Variants in MACROD2 observed in about 807,000 individuals in gnomAD.
MACROD2 encodes the protein ADP-ribose glycohydrolase MACROD2.
Under a neutral mutation model 70.4 loss-of-function variants are expected in MACROD2, and 36 were observed. The observed-to-expected ratio is 0.51, with a 90% CI of 0.39 to 0.68. The LOEUF (loss-of-function observed/expected upper bound fraction) is 0.68, where lower values mean the gene tolerates loss of function less well. MACROD2 is among the 30% of genes least tolerant of loss of function. MACROD2 has a pLI of 0.00. For synonymous variants in MACROD2, 172 were observed against 178.8 expected (o/e 0.96, Z 0.30); for missense variants, 496 against 538.4 (o/e 0.92, Z 0.78).
chr20:15,597,231 G>C (rs2048757719), intron 8 of MACROD2, among the ~76,000 whole-genome samples: 1 of 152,210 alleles, frequency 6.6e-6, no homozygotes, highest in Admixed American at 6.5e-5. Context: ...CTTCAGTAAG[G>C]CCATTCCAAG....
chr20:14,413,681 C>A (rs575798328), intron 3 of MACROD2, among the ~76,000 whole-genome samples: 1 of 152,112 alleles, frequency 6.6e-6, no homozygotes, highest in African/African-American at 2.4e-5. Flanking sequence ...TTTGCTGGAA[C>A]GAAATTGCTA....
intron 8 of MACROD2, among the ~76,000 whole-genome samples, chr20:15,575,102 C>T (rs940899644): frequency 9.2e-5 from 14 of 152,150 alleles, no homozygotes; most frequent in African/African-American, 3.1e-4. Context: ...TCCCAGTGAA[C>T]AATCAAATTC....
At chr20:14,127,733 ATCT>A in intron 3 of MACROD2, 1 of 422,952 alleles carries the variant, frequency 2.4e-6, no homozygotes, top group South Asian at 2.2e-5. Context: ...TAACAACCAC[ATCT>A]TCTGGTATCA....
chr20:14,896,294 C>CA (rs1381903937), intron 5 of MACROD2, among the ~76,000 whole-genome samples: 4 of 151,368 alleles, frequency 2.6e-5, no homozygotes, highest in African/African-American at 7.3e-5. Flanking sequence ...AACTCTATCT[C>CA]AAAAAAATAA....
chr20:15,654,605 A>T (rs189787099), intron 8 of MACROD2, among the ~76,000 whole-genome samples: 1 of 152,318 alleles, frequency 6.6e-6, no homozygotes, highest in East Asian at 1.9e-4. Flanking sequence ...CTTCAAAATG[A>T]TGGGATGGGG....
chr20:15,007,192 G>A (rs1375879582), intron 5 of MACROD2, among the ~76,000 whole-genome samples: 1 of 151,776 alleles, frequency 6.6e-6, no homozygotes, highest in African/African-American at 2.4e-5. Flanking sequence ...GTGAAACCTC[G>A]TCTCTACTAA....
At chr20:15,097,388 C>G (rs1412471784) in intron 5 of MACROD2, among the ~76,000 whole-genome samples, 1 of 151,934 alleles carries the variant, frequency 6.6e-6, no homozygotes, top group African/African-American at 2.4e-5. Context: ...GAGAATATTG[C>G]CAAAATATAA....
intron 8 of MACROD2, among the ~76,000 whole-genome samples, chr20:15,766,983 G>A (rs12480780): frequency 0.06 from 9,150 of 152,180 alleles, 654 homozygotes; most frequent in East Asian, 0.4. Context: ...ATTTGCTATC[G>A]TCCCACTGAC....
At chr20:15,166,547 G>A (rs2076385264) in intron 5 of MACROD2, among the ~76,000 whole-genome samples, 1 of 152,058 alleles carries the variant, frequency 6.6e-6, no homozygotes, top group African/African-American at 2.4e-5. Context: ...AGCCTGAACA[G>A]ACTGAGAGAT....
At chr20:14,113,619 A>G (rs1443070777) in intron 3 of MACROD2, among the ~76,000 whole-genome samples, 1 of 152,030 alleles carries the variant, frequency 6.6e-6, no homozygotes, top group Non-Finnish European at 1.5e-5. Context: ...TTATCAGGCA[A>G]TTTCACTGAT....
chr20:15,430,708 T>G (rs940563944), intron 6 of MACROD2, among the ~76,000 whole-genome samples: 7 of 152,022 alleles, frequency 4.6e-5, no homozygotes, highest in African/African-American at 1.4e-4. Flanking sequence ...GGGTACATAT[T>G]ATATAAGCTT....
chr20:15,124,352 T>TTA (rs1555785003), intron 5 of MACROD2, among the ~76,000 whole-genome samples: 1 of 150,718 alleles, frequency 6.6e-6, no homozygotes, highest in African/African-American at 2.4e-5. Context: ...ATTTCCTAGT[T>TTA]TTTTTTTTTT....
At chr20:15,337,562 G>C (rs966577139) in intron 6 of MACROD2, among the ~76,000 whole-genome samples, 1 of 151,520 alleles carries the variant, frequency 6.6e-6, no homozygotes, top group Admixed American at 6.6e-5. Context: ...TTGTAGAATG[G>C]GTTAATCAAG....
intron 8 of MACROD2, among the ~76,000 whole-genome samples, chr20:15,669,428 A>C (rs979313707): frequency 4.6e-5 from 7 of 152,144 alleles, no homozygotes; most frequent in Non-Finnish European, 7.3e-5. Context: ...CGACTTATGT[A>C]CCCTGGTTCT....
At chr20:14,459,176 T>C (rs558813525) in intron 3 of MACROD2, among the ~76,000 whole-genome samples, 5 of 123,726 alleles carry the variant, frequency 4.0e-5, no homozygotes, top group African/African-American at 1.0e-4. Flanking sequence ...TAGATGTTTC[T>C]AAAATTAGAA....
chr20:15,322,068 G>A lies in MACROD2; in HGVS notation c.540+92007G>A, dbSNP rs187137211. Among the ~76,000 whole-genome samples, 898 of 144,204 alleles carry A rather than the reference G, an allele frequency of 6.2e-3. 149 individuals are homozygous for A. Among genetic ancestry groups the A allele is most frequent in the Middle Eastern group, 0.024 (7 of 286 alleles). 94.6% of individuals were successfully genotyped at this position (144,204 alleles called of 152,430 possible). On this transcript the variant is annotated intron_variant, in intron 6 of 17. Transcript: ENST00000684519. Reference sequence around the variant, plus strand: ...GGCCTCCCAAAGTGCTGGGATTACAGGCATGAGCCACTGCACCCGGCCACT... The same window carrying A: ...GGCCTCCCAAAGTGCTGGGATTACAAGCATGAGCCACTGCACCCGGCCACT...
At chr20:14,288,269 T>C (rs1800525729) in intron 3 of MACROD2, among the ~76,000 whole-genome samples, 1 of 152,166 alleles carries the variant, frequency 6.6e-6, no homozygotes, top group Non-Finnish European at 1.5e-5. Context: ...TATTCCCTAG[T>C]TTCCCTCGTA....
chr20:15,021,997 C>CA (rs1006400344), intron 5 of MACROD2, among the ~76,000 whole-genome samples: 6 of 151,940 alleles, frequency 3.9e-5, no homozygotes, highest in African/African-American at 1.5e-4. Flanking sequence ...AAAAACTGCT[C>CA]AAAAAAATCT....
intron 5 of MACROD2, among the ~76,000 whole-genome samples, chr20:14,828,111 C>G (rs1041674818): frequency 1.3e-5 from 2 of 152,012 alleles, no homozygotes; most frequent in Non-Finnish European, 2.9e-5. Context: ...AGTTGATATT[C>G]TTTCAGAATT....
Sources: gnomAD v4.1 joint callset for allele counts (sites outside exome capture counted in the v4.1 genomes callset) on GRCh38, gnomAD v4.1.1 for gene constraint, MANE v1.5 for transcripts, NCBI Gene and HGNC (gene_info 2026-07-23, HGNC 2026-07-21) for gene names.